Variants in MGMT observed in about 807,000 individuals in gnomAD.
The protein encoded by MGMT is O-6-methylguanine-DNA methyltransferase, also known as methylated-DNA--protein-cysteine methyltransferase.
A neutral mutation model predicts 15.9 loss-of-function variants in MGMT; 14 were observed. The ratio of observed to expected loss-of-function variants is 0.88; its 90% CI spans 0.58 to 1.37. MGMT has a LOEUF of 1.37. MGMT is among the 40% of genes most tolerant of loss of function. The pLI is 0.00. For synonymous variants in MGMT, 130 were observed against 118.2 expected, an observed-to-expected ratio of 1.10 and a Z score of -0.65; for missense variants, 282 against 268.1, an observed-to-expected ratio of 1.05 and a Z score of -0.36.
At chr10:129,588,310 C>T (rs1487612073) in intron 2 of MGMT, among the ~76,000 whole-genome samples, 1 of 152,196 alleles carries the variant, frequency 6.6e-6, no homozygotes, top group African/African-American at 2.4e-5. Flanking sequence ...CGTGCCTGGA[C>T]TCCTGACCCA....
chr10:129,705,343 A>G (rs1031553544), intron 2 of MGMT, among the ~76,000 whole-genome samples: 3 of 152,242 alleles, frequency 2.0e-5, no homozygotes, highest in Non-Finnish European at 2.9e-5. Flanking sequence ...TCTTTTCTGA[A>G]TGGATGTGCC....
At chr10:129,763,322 C>T (rs889936915) in intron 4 of MGMT, among the ~76,000 whole-genome samples, 2 of 152,180 alleles carry the variant, frequency 1.3e-5, no homozygotes, top group African/African-American at 4.8e-5. Context: ...CAGCAGGTTT[C>T]ATTATCTTAA....
At chr10:129,483,766 A>G (rs981671172) in intron 1 of MGMT, among the ~76,000 whole-genome samples, 1 of 151,966 alleles carries the variant, frequency 6.6e-6, no homozygotes, top group African/African-American at 2.4e-5. Flanking sequence ...AGCTTCTTGC[A>G]TCTGTGAGAA....
In MGMT at chr10:129,562,791, A is replaced by T. The variant is rs529676971; in HGVS notation, c.125+26414A>T. Among the ~76,000 whole-genome samples, 29 of 152,290 alleles carry T rather than the reference A, an allele frequency of 1.9e-4. No individual in the cohort carries two copies. In the East Asian group the frequency reaches 5.6e-3, roughly 29 times the overall value. ...GTTTCTTTGTAAAAGTGAAGTTAAC[A>T]CCGATCTCACAATATCTGGGGAGGA... is the stretch of plus-strand genomic sequence containing the variant. On this transcript the variant is annotated intron_variant, in intron 2 of 4. Transcript: ENST00000651593.
chr10:129,602,280 G>C (rs892721000), intron 2 of MGMT, among the ~76,000 whole-genome samples: 1 of 151,970 alleles, frequency 6.6e-6, no homozygotes, highest in Non-Finnish European at 1.5e-5. Context: ...CACTTTACTA[G>C]TCAGGCATGT....
chr10:129,687,862 A>G (rs1019990675), intron 2 of MGMT, among the ~76,000 whole-genome samples: 30 of 145,028 alleles, frequency 2.1e-4, no homozygotes, highest in Non-Finnish European at 3.8e-4. Flanking sequence ...CCCACCCCAC[A>G]ACAGGCCCTG....
intron 2 of MGMT, among the ~76,000 whole-genome samples, chr10:129,642,399 A>G (rs2133090744): frequency 6.6e-6 from 1 of 152,336 alleles, no homozygotes; most frequent in African/African-American, 2.4e-5. Flanking sequence ...CTTTATAACC[A>G]AGGAGAATCC....
intron 2 of MGMT, among the ~76,000 whole-genome samples, chr10:129,617,538 TCC>T (rs1273667011): frequency 6.6e-6 from 1 of 152,184 alleles, no homozygotes; most frequent in East Asian, 1.9e-4. Flanking sequence ...TAATTTACAT[TCC>T]CACCAAGAGC....
At chr10:129,735,069 G>A (rs979071288) in intron 3 of MGMT, among the ~76,000 whole-genome samples, 1 of 152,112 alleles carries the variant, frequency 6.6e-6, no homozygotes, top group African/African-American at 2.4e-5. Context: ...GATGATGCTG[G>A]CCTCATAAAA....
chr10:129,652,472 C>A (rs1847471455), intron 2 of MGMT, among the ~76,000 whole-genome samples: 1 of 152,246 alleles, frequency 6.6e-6, no homozygotes. Context: ...GGAGAGGGAA[C>A]ATTCTAGTAT....
At chr10:129,683,140 C>T (rs537254241) in intron 2 of MGMT, among the ~76,000 whole-genome samples, 1 of 152,338 alleles carries the variant, frequency 6.6e-6, no homozygotes, top group African/African-American at 2.4e-5. Context: ...TGAGCCACCA[C>T]GCCCAGCCCA....
In MGMT at chr10:129,767,058, G is replaced by T; in HGVS notation, c.*61G>T. On this transcript the variant is annotated 3_prime_UTR_variant, in exon 5 of 5. Transcript: ENST00000651593. The stretch of plus-strand genomic sequence containing the variant: ...ACGTGTAACACTGCATCGGATGCGG[G>T]GCGTGGAGGCACCGCTGTATTAAAG... 4 of 1,356,932 alleles carry T rather than the reference G, an allele frequency of 2.9e-6. No homozygotes were observed. Among genetic ancestry groups the T allele is most frequent in the Non-Finnish European group, 4.0e-6 (4 of 999,674 alleles). The allele number at this position is 1,356,932 out of a possible 1,614,324, so 84.1% of individuals were successfully genotyped here.
At chr10:129,570,131 C>T (rs1846400324) in intron 2 of MGMT, among the ~76,000 whole-genome samples, 1 of 152,224 alleles carries the variant, frequency 6.6e-6, no homozygotes, top group African/African-American at 2.4e-5. Context: ...AGCAGACTGC[C>T]CACACATTTG....
intron 1 of MGMT, 27 bp downstream of exon 1, chr10:129,467,323 G>C (rs1256688270): frequency 1.3e-6 from 2 of 1,530,858 alleles, no homozygotes; most frequent in Admixed American, 4.1e-5. Context: ...CCTCGCTCCC[G>C]GAAGAGTGCG....
intron 1 of MGMT, among the ~76,000 whole-genome samples, chr10:129,527,857 C>T (rs1331939620): frequency 6.6e-6 from 1 of 152,134 alleles, no homozygotes; most frequent in Non-Finnish European, 1.5e-5. Context: ...GACCTGGCCA[C>T]CACCTTCTGC....
chr10:129,709,306 C>G (rs1237044450), intron 3 of MGMT, among the ~76,000 whole-genome samples: 1 of 152,236 alleles, frequency 6.6e-6, no homozygotes, highest in Non-Finnish European at 1.5e-5. Context: ...CACCTCTCCC[C>G]AGCGCCACAA....
chr10:129,683,044 T>G (rs1377134794), intron 2 of MGMT, among the ~76,000 whole-genome samples: 2 of 152,256 alleles, frequency 1.3e-5, no homozygotes, highest in African/African-American at 4.8e-5. Context: ...AGATGGGGTT[T>G]CACCATGTTG....
At chr10:129,615,304 G>A (rs933609784) in intron 2 of MGMT, among the ~76,000 whole-genome samples, 9 of 152,196 alleles carry the variant, frequency 5.9e-5, no homozygotes, top group African/African-American at 9.7e-5. Flanking sequence ...TTGGGCAGAC[G>A]CCTCCCTGGT....
intron 3 of MGMT, among the ~76,000 whole-genome samples, chr10:129,712,291 G>T (rs578190092): frequency 6.6e-6 from 1 of 152,300 alleles, no homozygotes; most frequent in Admixed American, 6.5e-5. Flanking sequence ...AGTTGAAGGT[G>T]TTCAACGGAC....
Sources: gnomAD v4.1 joint callset for allele counts (sites outside exome capture counted in the v4.1 genomes callset) on GRCh38, gnomAD v4.1.1 for gene constraint, MANE v1.5 for transcripts, NCBI Gene and HGNC (gene_info 2026-07-23, HGNC 2026-07-21) for gene names.